The following NABP1 variants were observed in gnomAD, a reference collection of about 807,000 sequenced individuals.
The protein encoded by NABP1 is SOSS complex subunit B2.
NABP1 carries 18 observed loss-of-function variants against 25.0 expected under a neutral mutation model. That is an observed-to-expected ratio of 0.72 (90% CI 0.50 to 1.07). NABP1 has a LOEUF of 1.07. Among genes scored for constraint, NABP1 ranks in the 50% least tolerant of loss-of-function variants. The probability of loss-of-function intolerance (pLI) is 0.00; values close to 1 mark genes in which losing one functional copy is unlikely to be tolerated. For missense variants in NABP1, 270 were observed against 255.6 expected (o/e 1.06, Z -0.39); for synonymous variants, 71 against 85.0 (o/e 0.84, Z 0.91).
intron 1 of NABP1, 97 bp downstream of exon 1, chr2:191,678,802 T>G: frequency 1.5e-6 from 1 of 663,430 alleles, no homozygotes; most frequent in Non-Finnish European, 2.5e-6. Flanking sequence ...CCCCTCCTCC[T>G]CCCTCCCCTC....
Position 191,683,994 on chromosome 2 carries a change from T to C in NABP1, c.378+190T>C, listed in dbSNP as rs1007865007. On this transcript the variant is annotated intron_variant, in intron 4 of 5. Transcript: ENST00000425611. This position sits in a 1 kb window ranked among gnomAD's most constrained non-coding sequence, Gnocchi z 4.1. The stretch of plus-strand genomic sequence containing the variant: ...TAGATATATGTGCCATTTTGCACTT[T>C]GTGGTGTGCTGAGTAATTATCAGGA... Among the ~76,000 whole-genome samples, 1 of 152,050 alleles carries C rather than the reference T, an allele frequency of 6.6e-6. No homozygotes were observed. The highest frequency in any genetic ancestry group is 2.4e-5 in the African/African-American group (1 of 41,408).
At position 191,686,042 on chromosome 2, in the gene NABP1, G is replaced by A; in HGVS notation, c.*274G>A. On this transcript the variant is annotated 3_prime_UTR_variant, in exon 6 of 6. Transcript: ENST00000425611. ...TTTAAAAAACCTGCACCCATTTCAT[G>A]GGTGAGTTACTTAAGACATCAGCTT... 1 of 314,100 alleles carries A rather than the reference G, an allele frequency of 3.2e-6. No homozygotes were observed. The highest frequency in any genetic ancestry group is 5.9e-6 in the Non-Finnish European group (1 of 169,436). The allele number at this position is 314,100 out of a possible 1,614,324, so 19.5% of individuals were successfully genotyped here. A position where few individuals can be genotyped will look rare whatever the true frequency, so the allele number is the denominator to read the frequency against.
Position 191,678,403 on chromosome 2 carries a change from C to CTT in NABP1, c.-189_-188dup, listed in dbSNP as rs781513296. 147 of 242,020 alleles carry CTT rather than the reference C, an allele frequency of 6.1e-4. 4 individuals carry two copies. Among genetic ancestry groups the CTT allele is most frequent in the African/African-American group, 1.6e-3 (52 of 32,312 alleles). 15.0% of individuals were successfully genotyped at this position (242,020 alleles called of 1,614,324 possible). A position where few individuals can be genotyped will look rare whatever the true frequency, so the allele number is the denominator to read the frequency against. On this transcript the variant is annotated 5_prime_UTR_variant, in exon 1 of 6. Coordinates refer to ENST00000425611, the MANE Select transcript of NABP1 (RefSeq NM_001031716.5). ...CTTTTTTTCTTTAGAACTTGTGAGC[C>CTT]TTTTTTTTTTTTTTTTTTTTTTTTC...
intron 2 of NABP1, among the ~76,000 whole-genome samples, chr2:191,679,658 T>A (rs1245927317): frequency 1.3e-5 from 2 of 152,224 alleles, no homozygotes; most frequent in Non-Finnish European, 2.9e-5. Flanking sequence ...ATTACAGGCG[T>A]GAGCCACCAC....
At chr2:191,678,738 G>A in intron 1 of NABP1, 33 bp downstream of exon 1, 1 of 1,576,228 alleles carries the variant, frequency 6.3e-7, no homozygotes, top group Middle Eastern at 2.1e-4. Context: ...TCCACCGCCC[G>A]CTGTGCCTCC....
rs1687573240 is a variant in NABP1, at chr2:191,678,641, T to G, written c.27T>G (p.Ile9Met). The change falls in exon 1 of 6, where the codon ATT (isoleucine) becomes ATG (methionine). Residue 9 changes from isoleucine to methionine, a missense_variant. Transcript: ENST00000425611. MNRVNDPL[I>M]FIRDIKPGLK... The stretch of plus-strand genomic sequence containing the variant: ...TGAATAGGGTCAACGACCCACTTAT[T>G]TTTATAAGAGATATTAAGCCCGGAC... The G allele has an allele frequency of 6.2e-7, 1 of 1,613,700 alleles. No homozygotes were observed. The highest frequency in any genetic ancestry group is 8.5e-7 in the Non-Finnish European group (1 of 1,179,848).
At chr2:191,684,333 T>C in intron 5 of NABP1, 37 bp downstream of exon 5, 1 of 1,406,474 alleles carries the variant, frequency 7.1e-7, no homozygotes, top group African/African-American at 1.5e-5. Flanking sequence ...TGTGATCAGG[T>C]ATAAGAATGA....
Position 191,685,826 on chromosome 2 carries a change from T to G in NABP1, c.*58T>G, listed in dbSNP as rs73981875. ...CTACATGCCCTACTTGAACACTTAT[T>G]GCACTTTTATTTATTGTTAACTGTG... On this transcript the variant is annotated 3_prime_UTR_variant, in exon 6 of 6. Transcript: ENST00000425611. 1,525 of 1,494,524 alleles carry G rather than the reference T, an allele frequency of 1.0e-3. 18 individuals are homozygous for G. The African/African-American group carries it at 0.019, about 19-fold the overall frequency. The allele number at this position is 1,494,524 out of a possible 1,614,324, so 92.6% of individuals were successfully genotyped here. A position where few individuals can be genotyped will look rare whatever the true frequency, so the allele number is the denominator to read the frequency against.
Position 191,683,872 on chromosome 2 carries a change from G to T in NABP1, c.378+68G>T. On this transcript the variant is annotated intron_variant, in intron 4 of 5. Coordinates refer to ENST00000425611, the MANE Select transcript of NABP1 (RefSeq NM_001031716.5). This position sits in a 1 kb window ranked among gnomAD's most constrained non-coding sequence, Gnocchi z 4.1. ...GTGTTATAATTCTATGATTAGGCTA[G>T]CCCTGTTGATACTTAGTATAAAGAA... The T allele has an allele frequency of 2.5e-6, 3 of 1,177,858 alleles. No individual in the cohort carries two copies. Among genetic ancestry groups the T allele is most frequent in the Admixed American group, 4.7e-5 (2 of 42,656 alleles). The allele number at this position is 1,177,858 out of a possible 1,614,324, so 73.0% of individuals were successfully genotyped here.
intron 2 of NABP1, among the ~76,000 whole-genome samples, chr2:191,680,054 A>G (rs1304831965): frequency 6.6e-6 from 1 of 152,236 alleles, no homozygotes; most frequent in Non-Finnish European, 1.5e-5. Flanking sequence ...AAAGGCATCT[A>G]CAATACCTTC....
Position 191,686,076 on chromosome 2 carries a change from C to G in NABP1, c.*308C>G, listed in dbSNP as rs1687814728. ...ACTTAAGACATCAGCTTTATAGCCTCTATGAGTCTATCTTCTGTATAAGTT... is the reference window on the plus strand; with the variant it reads ...ACTTAAGACATCAGCTTTATAGCCTGTATGAGTCTATCTTCTGTATAAGTT... On this transcript the variant is annotated 3_prime_UTR_variant, in exon 6 of 6. Coordinates refer to ENST00000425611, the MANE Select transcript of NABP1 (RefSeq NM_001031716.5). 4.3e-6 allele frequency: 1 copy of G among 233,046 alleles called. No individual in the cohort carries two copies. The highest frequency in any genetic ancestry group is 8.4e-6 in the Non-Finnish European group (1 of 119,676). The allele number at this position is 233,046 out of a possible 1,614,324, so 14.4% of individuals were successfully genotyped here. A position where few individuals can be genotyped will look rare whatever the true frequency, so the allele number is the denominator to read the frequency against.
In NABP1 at chr2:191,686,575, TGTG is replaced by T. The variant is rs1379090523; in HGVS notation, c.*810_*812del. ...TCATCTGATTATTTTAAACAATAGT[TGTG>T]GTAGATAAACATACTGGAGGTGAGT... On this transcript the variant is annotated 3_prime_UTR_variant, in exon 6 of 6. Coordinates refer to ENST00000425611, the MANE Select transcript of NABP1 (RefSeq NM_001031716.5). The T allele has an allele frequency of 1.3e-5, 2 of 152,216 alleles. No individual in the cohort carries two copies. Among genetic ancestry groups the T allele is most frequent in the Non-Finnish European group, 2.9e-5 (2 of 68,040 alleles). The allele number at this position is 152,216 out of a possible 1,614,324, so 9.4% of individuals were successfully genotyped here. A position where few individuals can be genotyped will look rare whatever the true frequency, so the allele number is the denominator to read the frequency against.
At chr2:191,684,348 A>C in intron 5 of NABP1, 52 bp downstream of exon 5, 4 of 1,294,066 alleles carry the variant, frequency 3.1e-6, no homozygotes, top group Non-Finnish European at 4.1e-6. Context: ...GAATGAAGAG[A>C]GCTGTAAAGA....
intron 5 of NABP1, 98 bp from the exon 6 acceptor site, chr2:191,685,501 A>G: frequency 9.4e-7 from 1 of 1,062,526 alleles, no homozygotes; most frequent in East Asian, 2.6e-5. Context: ...TGTGTGCTTT[A>G]ATATTTTTAA....
intron 2 of NABP1, among the ~76,000 whole-genome samples, chr2:191,680,663 AT>A (rs1687662984): frequency 6.6e-6 from 1 of 152,214 alleles, no homozygotes; most frequent in Non-Finnish European, 1.5e-5. Flanking sequence ...CAAAAAAATT[AT>A]TGGAAAATTA....
intron 2 of NABP1, among the ~76,000 whole-genome samples, chr2:191,681,379 T>A (rs1221161724): frequency 2.0e-5 from 3 of 152,196 alleles, no homozygotes; most frequent in Non-Finnish European, 4.4e-5. Flanking sequence ...CCAGTTTGTT[T>A]ACTACAAACC....
intron 4 of NABP1, 90 bp from the exon 5 acceptor site, chr2:191,684,140 A>G: frequency 1.1e-6 from 1 of 880,004 alleles, no homozygotes. Flanking sequence ...AGCCAAACCC[A>G]AAACTTTAAA....
chr2:191,684,404 T>C (rs1158376415), intron 5 of NABP1, 108 bp downstream of exon 5: 3 of 675,876 alleles, frequency 4.4e-6, no homozygotes, highest in African/African-American at 1.9e-5. Context: ...GTGATAAAGG[T>C]GAACTACCAG....
intron 2 of NABP1, among the ~76,000 whole-genome samples, chr2:191,680,727 A>G (rs1687665231): frequency 1.3e-5 from 2 of 152,208 alleles, no homozygotes; most frequent in African/African-American, 4.8e-5. Flanking sequence ...ACCTGGGAGT[A>G]CAATTTAAAC....
Sources: allele counts gnomAD v4.1 joint callset (sites outside exome capture counted in the v4.1 genomes callset), GRCh38; gene constraint gnomAD v4.1.1; non-coding constraint Gnocchi (gnomAD v3.1); transcripts MANE v1.5; gene names NCBI Gene and HGNC (gene_info 2026-07-23, HGNC 2026-07-21).